The following RSRC2 variants were observed in gnomAD, a reference collection of about 807,000 sequenced individuals.
RSRC2 encodes the protein arginine/serine-rich coiled-coil protein 2.
Under a neutral mutation model 61.3 loss-of-function variants are expected in RSRC2, and 5 were observed. The ratio of observed to expected loss-of-function variants is 0.08; its 90% CI spans 0.04 to 0.17. The LOEUF (loss-of-function observed/expected upper bound fraction) is 0.17. RSRC2 is among the 10% of genes least tolerant of loss of function. RSRC2 has a pLI of 1.00. For missense variants in RSRC2, 381 were observed against 518.8 expected, an observed-to-expected ratio of 0.73 and a Z score of 2.58; for synonymous variants, 202 against 166.5, an observed-to-expected ratio of 1.21 and a Z score of -1.64.
intron 9 of RSRC2, chr12:122,506,520 G>C (rs1958124070): frequency 4.4e-6 from 1 of 227,730 alleles, no homozygotes; most frequent in Non-Finnish European, 8.5e-6. Flanking sequence ...CGAGGTGGAA[G>C]GACTGCTTGA....
At chr12:122,523,416 T>G (rs1959533574) in intron 1 of RSRC2, 1 of 152,150 alleles carries the variant, frequency 6.6e-6, no homozygotes, top group Non-Finnish European at 1.5e-5. Flanking sequence ...CTCAGGAGGT[T>G]GAGACAGGAG....
intron 5 of RSRC2, 146 bp downstream of exon 5, chr12:122,517,081 T>G (rs1958989801): frequency 1.7e-6 from 2 of 1,178,776 alleles, no homozygotes; most frequent in South Asian, 3.0e-5. Flanking sequence ...AGGTGTGTTC[T>G]TCATACGTTA....
At chr12:122,510,553 G>A (rs1958427907) in intron 7 of RSRC2, among the ~76,000 whole-genome samples, 1 of 152,104 alleles carries the variant, frequency 6.6e-6, no homozygotes, top group African/African-American at 2.4e-5. Context: ...CTGTCATGAT[G>A]ACTAGTGTTA....
chr12:122,522,215 C>T lies in RSRC2; in HGVS notation c.91G>A (p.Val31Ile). 1.2e-6 allele frequency: 2 copies of T among 1,614,060 alleles called. No homozygotes were observed. The highest frequency in any genetic ancestry group is 1.3e-5 in the African/African-American group (1 of 75,034). ...DKKKEQSEVS[V>I]SPRASKHHYS... ...TGATGTTTTGAAGCTCTAGGAGAAA[C>T]AGATACTTCTGACTGCTCTTTTTTC... The change falls in exon 2 of 10, where the codon GTT becomes ATT. Residue 31 changes from valine (V) to isoleucine (I), a missense_variant. By Grantham distance (29) the Val-to-Ile change is conservative. Transcript: ENST00000331738.
At position 122,522,289 on chromosome 12, in the gene RSRC2, G is replaced by T. The variant is rs1022308687; in HGVS notation, c.17C>A (p.Thr6Lys). Residue 6 changes from threonine to lysine, a missense_variant, in exon 2 of 10, where the codon ACA (threonine) becomes AAA (lysine). Around this residue, in one of 4 missense-constraint regions of RSRC2, gnomAD observed 266 missense variants for 270.5 expected, o/e 0.98. Transcript: ENST00000331738. MAASD[T>K]ERDGLAPEKT... is the part of the protein sequence containing the mutation. Reference sequence around the variant, plus strand: ...TTCTGGGGCTAGTCCATCTCGCTCTGTATCACTAGCCTAAAAGTTTAAAAA... The same window carrying T: ...TTCTGGGGCTAGTCCATCTCGCTCTTTATCACTAGCCTAAAAGTTTAAAAA... 6.3e-7 allele frequency: 1 copy of T among 1,591,182 alleles called. No homozygotes were observed. The highest frequency in any genetic ancestry group is 8.5e-7 in the Non-Finnish European group (1 of 1,172,738).
At chr12:122,526,563 G>A (rs569664738) in intron 1 of RSRC2, among the ~76,000 whole-genome samples, 10 of 152,102 alleles carry the variant, frequency 6.6e-5, no homozygotes, top group African/African-American at 2.4e-4. Context: ...GGGTGAATAA[G>A]CGAAAATGGA....
At chr12:122,513,363 A>T (rs1958676946) in intron 6 of RSRC2, among the ~76,000 whole-genome samples, 1 of 151,592 alleles carries the variant, frequency 6.6e-6, no homozygotes, top group East Asian at 1.9e-4. Flanking sequence ...AGGTCTATAC[A>T]TGGTAGTTTC....
chr12:122,525,968 T>C (rs1409838418), intron 1 of RSRC2, among the ~76,000 whole-genome samples: 6 of 52,072 alleles, frequency 1.2e-4, no homozygotes, highest in Non-Finnish European at 1.7e-4. Flanking sequence ...ACTACAGGCG[T>C]CCGCCACTAC....
chr12:122,524,192 A>G (rs1336862702), intron 1 of RSRC2, among the ~76,000 whole-genome samples: 2 of 152,330 alleles, frequency 1.3e-5, no homozygotes, highest in African/African-American at 4.8e-5. Context: ...GTTTACTACT[A>G]ATAAATAATG....
intron 6 of RSRC2, among the ~76,000 whole-genome samples, chr12:122,514,277 T>TTTG (rs1958746327): frequency 6.7e-6 from 1 of 150,356 alleles, no homozygotes; most frequent in Non-Finnish European, 1.5e-5. Flanking sequence ...TGTGTTTTTT[T>TTTG]TTTTTGAGAC....
intron 6 of RSRC2, among the ~76,000 whole-genome samples, chr12:122,513,196 AAAATAAAT>A (rs58751034): frequency 0.15 from 19,428 of 129,754 alleles, 1,881 homozygotes; most frequent in Non-Finnish European, 0.21. Context: ...CTCCGTCTCA[AAAATAAAT>A]AAATAAATAA....
chr12:122,506,547 C>A, intron 9 of RSRC2: 1 of 277,102 alleles, frequency 3.6e-6, no homozygotes, highest in Non-Finnish European at 6.8e-6. Flanking sequence ...AAGTTTAAGG[C>A]TGCAGTGAGG....
chr12:122,509,671 G>A (rs1305912796), intron 7 of RSRC2, among the ~76,000 whole-genome samples: 1 of 152,022 alleles, frequency 6.6e-6, no homozygotes, highest in Admixed American at 6.5e-5. Flanking sequence ...TTACCAAAGA[G>A]AGTAATGATG....
chr12:122,521,619 A>T (rs910789028), intron 2 of RSRC2, among the ~76,000 whole-genome samples, 191 bp from the exon 3 acceptor site: 4 of 152,208 alleles, frequency 2.6e-5, no homozygotes, highest in African/African-American at 9.6e-5. Flanking sequence ...ATCTGAGCAA[A>T]CCAGGACATA....
chr12:122,526,549 G>C (rs1328803591), intron 1 of RSRC2, among the ~76,000 whole-genome samples: 3 of 152,070 alleles, frequency 2.0e-5, no homozygotes, highest in Non-Finnish European at 2.9e-5. Flanking sequence ...TAAATCACTA[G>C]CCAGGGTGAA....
At chr12:122,522,352 T>C in intron 1 of RSRC2, 53 bp from the exon 2 acceptor site, 1 of 1,480,650 alleles carries the variant, frequency 6.8e-7, no homozygotes, top group South Asian at 1.3e-5. Context: ...TTAAATGTTT[T>C]CAATTTCTTA....
intron 6 of RSRC2, among the ~76,000 whole-genome samples, chr12:122,512,776 TAAAAG>T (rs1447349481): frequency 6.7e-6 from 1 of 150,170 alleles, no homozygotes; most frequent in African/African-American, 2.5e-5. Flanking sequence ...GAAATTTACA[TAAAAG>T]AAATATAACA....
chr12:122,520,355 T>C, intron 3 of RSRC2: 1 of 433,070 alleles, frequency 2.3e-6, no homozygotes, highest in South Asian at 1.9e-5. Flanking sequence ...GGAAAAGTCT[T>C]AAGTGGTTAA....
chr12:122,514,034 A>G (rs1958719886), intron 6 of RSRC2: 1 of 152,316 alleles, frequency 6.6e-6, no homozygotes, highest in Non-Finnish European at 1.5e-5. Flanking sequence ...TCAAAAAACA[A>G]AACACCTTAA....
Sources: gnomAD v4.1 joint callset for allele counts (sites outside exome capture counted in the v4.1 genomes callset) on GRCh38, gnomAD v4.1.1 for gene constraint, gnomAD v4.1.1 regional missense constraint, MANE v1.5 for transcripts, NCBI Gene and HGNC (gene_info 2026-07-23, HGNC 2026-07-21) for gene names.